Variants in PRAMEF2 observed in about 807,000 individuals in gnomAD.
PRAMEF2 encodes the protein PRAME family member 2.
PRAMEF2 carries 35 observed loss-of-function variants against 38.0 expected under a neutral mutation model. The ratio of observed to expected loss-of-function variants is 0.92; its 90% CI spans 0.70 to 1.22. The LOEUF is 1.22. Among genes scored for constraint, PRAMEF2 ranks in the 50% most tolerant of loss-of-function variants. The pLI is 0.00. For missense variants in PRAMEF2, 562 were observed against 553.9 expected, an observed-to-expected ratio of 1.01 and a Z score of -0.15; for synonymous variants, 240 against 232.4, an observed-to-expected ratio of 1.03 and a Z score of -0.30.
chr1:12,858,904 C>A, intron 1 of PRAMEF2, 81 bp from the exon 2 acceptor site: 1 of 1,462,372 alleles, frequency 6.8e-7, no homozygotes, highest in Non-Finnish European at 9.3e-7. Flanking sequence ...TCTACCAGAG[C>A]AATGATATTG....
At position 12,859,182 on chromosome 1, in the gene PRAMEF2, C is replaced by G. The variant is rs754665359; in HGVS notation, c.173C>G (p.Ala58Gly). ...CAGACTCTGACGGTGATGGTGCAGGCCTGGCCTTTCACCTGCCTCCCTCTG... is the reference window on the plus strand; with the variant it reads ...CAGACTCTGACGGTGATGGTGCAGGGCTGGCCTTTCACCTGCCTCCCTCTG... ...HFQTLTVMVQAWPFTCLPLVS... is the reference protein window; with the variant it reads ...HFQTLTVMVQGWPFTCLPLVS... The change falls in exon 2 of 4, where the codon GCC becomes GGC. Residue 58 changes from alanine to glycine, a missense_variant. Transcript: ENST00000240189. The G allele has an allele frequency of 7.5e-6, 12 of 1,609,084 alleles. 2 individuals carry two copies. The highest frequency in any genetic ancestry group is 1.0e-5 in the Non-Finnish European group (12 of 1,177,796).
rs750796692 is a variant in PRAMEF2, at chr1:12,859,794, G to A, written c.389G>A (p.Ser130Asn). The part of the protein sequence containing the change: ...WALSCFPEAM[S>N]KRQTAEDCPR... ...CTGTCCTGCTTCCCAGAGGCCATGA[G>A]TAAGAGGCAGACAGCAGAGGACTGT... The change falls in exon 3 of 4, where the codon AGT becomes AAT. Residue 130 changes from serine to asparagine, a missense_variant. Transcript: ENST00000240189. The A allele has an allele frequency of 4.4e-6, 7 of 1,607,152 alleles. 1 individual carries two copies. In the Admixed American group the frequency reaches 1.0e-4, roughly 24 times the overall value.
rs150990930 is a variant in PRAMEF2, at chr1:12,861,266, C to A, written c.912C>A (p.Asn304Lys). ...PLENLELTCG[N>K]LLEEDLKCLS... ...AGAACTTGGAATTAACTTGTGGCAA[C>A]CTATTAGAAGAGGACTTGAAGTGTC... The change falls in exon 4 of 4, where the codon AAC becomes AAA. Residue 304 changes from asparagine (N) to lysine (K), a missense_variant. Around this residue, in one of 2 missense-constraint regions of PRAMEF2, gnomAD observed 486 missense variants for 444.2 expected, o/e 1.09. Coordinates refer to ENST00000240189, the MANE Select transcript of PRAMEF2 (RefSeq NM_023014.1). 3.1e-6 allele frequency: 5 copies of A among 1,607,676 alleles called. No individual in the cohort carries two copies. The African/African-American group carries it at 6.7e-5, about 22-fold the overall frequency.
chr1:12,859,910 C>T lies in PRAMEF2; in HGVS notation c.505C>T (p.Gln169Ter). The T allele has an allele frequency of 6.2e-7, 1 of 1,608,648 alleles. No individual in the cohort carries two copies. Among genetic ancestry groups the T allele is most frequent in the African/African-American group, 1.3e-5 (1 of 74,590 alleles). The change falls in exon 3 of 4, where the codon CAG becomes TAG. Residue 169 changes from glutamine (Q) to a stop codon, truncating the protein, a stop_gained. Coordinates refer to ENST00000240189, the MANE Select transcript of PRAMEF2 (RefSeq NM_023014.1). LOFTEE classifies it high-confidence loss of function. The stretch of plus-strand genomic sequence containing the variant: ...GGATGAATGCCTGAGATACCTCTTC[C>T]AGTGGGTTTACCAAAGGAGAGGTTT... ...PQDECLRYLFQWVYQRRGLVH... is the reference protein window; with the variant it reads ...PQDECLRYLF
chr1:12,860,323 G>C (rs765968284), intron 3 of PRAMEF2, 52 bp downstream of exon 3: 4 of 1,599,108 alleles, frequency 2.5e-6, no homozygotes, highest in South Asian at 1.1e-5. Context: ...GACTTGTTCT[G>C]TTACAGCAAA....
At chr1:12,857,218 T>C (rs1323141091) in intron 1 of PRAMEF2, 71 bp downstream of exon 1, 2 of 145,976 alleles carry the variant, frequency 1.4e-5, no homozygotes, top group Admixed American at 7.1e-5. Context: ...GTGACACACA[T>C]CCCAAAGTGG....
intron 3 of PRAMEF2, among the ~76,000 whole-genome samples, chr1:12,860,855 C>T (rs1640535479): frequency 1.3e-5 from 2 of 150,040 alleles, no homozygotes; most frequent in Non-Finnish European, 3.0e-5. Flanking sequence ...CAGGGAGCCC[C>T]TGCCGACATG....
In PRAMEF2 at chr1:12,860,758, T is replaced by C. The variant is rs1640534108; in HGVS notation, c.867-463T>C. ...TGAACTCCAGGAAAGGTAATTGACA[T>C]GGGAAATGCGTGCTTCCGGGATGGA... On this transcript the variant is annotated intron_variant, in intron 3 of 3. Transcript: ENST00000240189. Among the ~76,000 whole-genome samples the C allele has an allele frequency of 1.3e-5, 2 of 150,184 alleles. 1 individual carries two copies. The highest frequency in any genetic ancestry group is 4.2e-4 in the South Asian group (2 of 4,712).
In PRAMEF2 at chr1:12,861,556, C is replaced by G. The variant is rs771148701; in HGVS notation, c.1202C>G (p.Thr401Ser). ...IDALKDLLRHTSGLSKLSLET... is the reference protein window; with the variant it reads ...IDALKDLLRHSSGLSKLSLET... ...GCCCTGAAGGACCTGCTGCGCCACA[C>G]CAGTGGGCTGAGCAAGTTAAGCCTG... Residue 401 changes from threonine to serine, a missense_variant, in exon 4 of 4, where the codon ACC becomes AGC. Thr to Ser is a moderately conservative substitution (Grantham distance 58, BLOSUM62 1). This residue lies in a region of PRAMEF2 where 76 missense variants were observed against 109.6 expected (regional missense o/e 0.69). Transcript: ENST00000240189. The G allele has an allele frequency of 6.2e-7, 1 of 1,605,306 alleles. No individual in the cohort carries two copies. Among genetic ancestry groups the G allele is most frequent in the Non-Finnish European group, 8.5e-7 (1 of 1,176,846 alleles).
chr1:12,859,724 G>A lies in PRAMEF2; in HGVS notation c.319G>A (p.Asp107Asn). The change falls in exon 3 of 4, where the codon GAT becomes AAT. Residue 107 changes from aspartate (D) to asparagine (N), a missense_variant. Asp to Asn is a conservative substitution (Grantham distance 23, BLOSUM62 1). This residue lies in a region of PRAMEF2 where 486 missense variants were observed against 444.2 expected (regional missense o/e 1.09). Coordinates refer to ENST00000240189, the MANE Select transcript of PRAMEF2 (RefSeq NM_023014.1). Reference sequence around the variant, plus strand: ...GAAACTTCAAGTGCTGGATTTGCGGGATGTTGATGAGAATTTCTGGGCCAG... The same window carrying A: ...GAAACTTCAAGTGCTGGATTTGCGGAATGTTGATGAGAATTTCTGGGCCAG... ...RWKLQVLDLR[D>N]VDENFWARWP... 1.2e-6 allele frequency: 2 copies of A among 1,606,658 alleles called. No homozygotes were observed. Among genetic ancestry groups the A allele is most frequent in the South Asian group, 1.1e-5 (1 of 90,792 alleles).
At chr1:12,858,822 A>C (rs1281436778) in intron 1 of PRAMEF2, among the ~76,000 whole-genome samples, 163 bp from the exon 2 acceptor site, 3 of 132,606 alleles carry the variant, frequency 2.3e-5, no homozygotes, top group Non-Finnish European at 3.5e-5. Context: ...TCCTGGTACC[A>C]GCAGAAGCAG....
At position 12,859,026 on chromosome 1, in the gene PRAMEF2, C is replaced by T. The variant is rs1336073077; in HGVS notation, c.17C>T (p.Pro6Leu). The T allele has an allele frequency of 8.1e-6, 13 of 1,603,686 alleles. 1 individual carries two copies. In the East Asian group the frequency reaches 2.9e-4, roughly 36 times the overall value. ...TCCATCAGGATGAGCATCCAGGCCC[C>T]ACCGAGACTACTGGAGCTGGCGGGG... is the stretch of plus-strand genomic sequence containing the variant. Reference protein sequence around the residue: MSIQAPPRLLELAGQS... With the variant: MSIQALPRLLELAGQS... The change falls in exon 2 of 4, where the codon CCA (proline) becomes CTA (leucine). Residue 6 changes from proline to leucine, a missense_variant. By Grantham distance (98) the Pro-to-Leu change is moderately conservative (BLOSUM62 -3). Around this residue, in one of 2 missense-constraint regions of PRAMEF2, gnomAD observed 486 missense variants for 444.2 expected, o/e 1.09. Transcript: ENST00000240189.
At chr1:12,861,186 A>T in intron 3 of PRAMEF2, 35 bp from the exon 4 acceptor site, 2 of 1,587,002 alleles carry the variant, frequency 1.3e-6, no homozygotes, top group Non-Finnish European at 1.7e-6. Context: ...TCTAACTGGT[A>T]CCATTGCCCA....
chr1:12,860,236 C>T lies in PRAMEF2; in HGVS notation c.831C>T (p.Ile277=). The T allele has an allele frequency of 1.2e-6, 2 of 1,606,954 alleles. No individual in the cohort carries two copies. Among genetic ancestry groups the T allele is most frequent in the Non-Finnish European group, 1.7e-6 (2 of 1,176,680 alleles). The change falls in exon 3 of 4, where the codon ATC becomes ATT. Residue 277 remains isoleucine (I), a synonymous_variant. Transcript: ENST00000240189. ...TCCAGTTGCTTAAAATAAAATTGATCACCTTCTTCAGTGGGCACCTGGAAC... is the reference window on the plus strand; with the variant it reads ...TCCAGTTGCTTAAAATAAAATTGATTACCTTCTTCAGTGGGCACCTGGAAC... ...EHLQLLKIKL[I]TFFSGHLEQL... is the part of the protein sequence containing the mutation.
chr1:12,859,177 G>T lies in PRAMEF2; in HGVS notation c.168G>T (p.Val56=), dbSNP rs1063758. The T allele has an allele frequency of 2.2e-5, 36 of 1,608,650 alleles. 2 individuals are homozygous for T. Among genetic ancestry groups the T allele is most frequent in the African/African-American group, 1.1e-4 (8 of 74,420 alleles). ...ACTTCCAGACTCTGACGGTGATGGT[G>T]CAGGCCTGGCCTTTCACCTGCCTCC... ...RRHFQTLTVM[V]QAWPFTCLPL... The change falls in exon 2 of 4, where the codon GTG becomes GTT. Residue 56 remains valine, a synonymous_variant. Coordinates refer to ENST00000240189, the MANE Select transcript of PRAMEF2 (RefSeq NM_023014.1).
chr1:12,860,368 C>T, intron 3 of PRAMEF2, 97 bp downstream of exon 3: 1 of 1,552,788 alleles, frequency 6.4e-7, no homozygotes, highest in Non-Finnish European at 8.8e-7. Context: ...CAGCCAGTGG[C>T]AACGTCACAG....
intron 3 of PRAMEF2, 65 bp downstream of exon 3, chr1:12,860,336 T>C (rs57640138): frequency 0.049 from 77,055 of 1,583,074 alleles, 1,286 homozygotes; most frequent in East Asian, 0.22. Flanking sequence ...ACAGCAAACA[T>C]TAGAAGGCGT....
In PRAMEF2 at chr1:12,861,412, C is replaced by A. The variant is rs754523744; in HGVS notation, c.1058C>A (p.Thr353Asn). The A allele has an allele frequency of 1.9e-6, 3 of 1,602,836 alleles. No homozygotes were observed. Among genetic ancestry groups the A allele is most frequent in the Admixed American group, 3.5e-5 (2 of 57,902 alleles). The change falls in exon 4 of 4, where the codon ACC (threonine) becomes AAC (asparagine). Residue 353 changes from threonine to asparagine, a missense_variant. Physicochemically the swap from Thr to Asn is moderately conservative, Grantham distance 65 (BLOSUM62 0). Transcript: ENST00000240189. ...LLEKIAASLE[T>N]LVLEGCQIHY... is the part of the protein sequence containing the mutation. ...GAGAAAATTGCTGCCTCTCTCGAGA[C>A]CCTCGTGTTAGAGGGCTGTCAGATC... is the stretch of plus-strand genomic sequence containing the variant.
chr1:12,857,152 G>A lies in PRAMEF2; in HGVS notation c.-26+5G>A, dbSNP rs2100386049. 6.8e-6 allele frequency: 1 copy of A among 148,116 alleles called. No individual in the cohort carries two copies. Among genetic ancestry groups the A allele is most frequent in the East Asian group, 2.0e-4 (1 of 5,104 alleles). 9.2% of individuals were successfully genotyped at this position (148,116 alleles called of 1,614,324 possible). A position where few individuals can be genotyped will look rare whatever the true frequency, so the allele number is the denominator to read the frequency against. ...TGCAAAGTGAGTCCAGCGCTGGTAA[G>A]TCACCACCTTCTTAGGGTCATGCCC... On this transcript the variant is annotated splice_donor_5th_base_variant and intron_variant, in intron 1 of 3. Coordinates refer to ENST00000240189, the MANE Select transcript of PRAMEF2 (RefSeq NM_023014.1).
Sources: allele counts gnomAD v4.1 joint callset (sites outside exome capture counted in the v4.1 genomes callset), GRCh38; gene constraint gnomAD v4.1.1; regional missense constraint gnomAD v4.1.1; transcripts MANE v1.5; gene names NCBI Gene and HGNC (gene_info 2026-07-23, HGNC 2026-07-21).